CREBRF: variants seen among roughly 807,000 people sequenced by gnomAD.
CREBRF encodes CREB3 regulatory factor.
A neutral mutation model predicts 66.1 loss-of-function variants in CREBRF; 5 were observed. The ratio of observed to expected loss-of-function variants is 0.08; its 90% CI spans 0.04 to 0.16. CREBRF has a LOEUF of 0.16. CREBRF is among the 10% of genes least tolerant of loss of function. CREBRF has a pLI of 1.00. For synonymous variants in CREBRF, 229 were observed against 264.4 expected (o/e 0.87, Z 1.30); for missense variants, 531 against 744.9 (o/e 0.71, Z 3.34).
chr5:173,133,036 T>C (rs1759512432), intron 8 of CREBRF, among the ~76,000 whole-genome samples: 1 of 152,230 alleles, frequency 6.6e-6, no homozygotes, highest in African/African-American at 2.4e-5. Flanking sequence ...CTTTTGGTCT[T>C]ACTATGGAAG....
chr5:173,118,446 AT>A (rs1031436895), intron 7 of CREBRF, among the ~76,000 whole-genome samples: 13 of 148,616 alleles, frequency 8.7e-5, no homozygotes, highest in African/African-American at 2.0e-4. Context: ...CTTTTCTTGT[AT>A]TTTTTTTTTC....
At chr5:173,122,992 C>T (rs987009581) in intron 7 of CREBRF, 88 bp from the exon 8 acceptor site, 106 of 1,288,584 alleles carry the variant, frequency 8.2e-5, no homozygotes, top group Non-Finnish European at 1.1e-4. Flanking sequence ...TTAATCCAGT[C>T]CATTTCTTAA....
intron 8 of CREBRF, chr5:173,123,954 A>G (rs1181031991): frequency 1.3e-5 from 2 of 152,036 alleles, no homozygotes; most frequent in East Asian, 1.9e-4. Context: ...TTTTTCTTCA[A>G]ATGGGTTGAT....
intron 5 of CREBRF, chr5:173,109,058 C>G: frequency 2.3e-6 from 1 of 434,028 alleles, no homozygotes; most frequent in Middle Eastern, 5.7e-4. Flanking sequence ...CATTTCTAGT[C>G]CCTTCTTAAT....
At chr5:173,096,761 TA>T (rs977123026) in intron 4 of CREBRF, among the ~76,000 whole-genome samples, 9 of 151,908 alleles carry the variant, frequency 5.9e-5, no homozygotes, top group African/African-American at 1.7e-4. Flanking sequence ...TGTTAAATTT[TA>T]TTTTATCATG....
intron 5 of CREBRF, chr5:173,109,075 A>G (rs1382501632): frequency 1.4e-5 from 5 of 364,320 alleles, no homozygotes; most frequent in Non-Finnish European, 1.9e-5. Flanking sequence ...TAATCTACCT[A>G]CCCCATTCAG....
chr5:173,107,193 A>C (rs1320903739), intron 4 of CREBRF, among the ~76,000 whole-genome samples: 1 of 152,220 alleles, frequency 6.6e-6, no homozygotes, highest in African/African-American at 2.4e-5. Flanking sequence ...TTAGTTCCTC[A>C]AAGCAAACAT....
In CREBRF at chr5:173,134,399, C is replaced by A; in HGVS notation, c.*654C>A. On this transcript the variant is annotated 3_prime_UTR_variant, in exon 9 of 9. Transcript: ENST00000296953. The stretch of plus-strand genomic sequence containing the variant: ...GGTAATATTTTGTATGATGAAAACC[C>A]TAATGAGAAAAAACAAGATATATAG... 2 of 332,594 alleles carry A rather than the reference C, an allele frequency of 6.0e-6. No homozygotes were observed. Among genetic ancestry groups the A allele is most frequent in the South Asian group, 2.4e-5 (1 of 42,062 alleles). 20.6% of individuals were successfully genotyped at this position (332,594 alleles called of 1,614,324 possible). A position where few individuals can be genotyped will look rare whatever the true frequency, so the allele number is the denominator to read the frequency against.
chr5:173,091,039 C>T lies in CREBRF; in HGVS notation c.860C>T (p.Thr287Ile), dbSNP rs771317172. 5.0e-6 allele frequency: 8 copies of T among 1,614,198 alleles called. No individual in the cohort carries two copies. In the Admixed American group the frequency reaches 1.3e-4, roughly 27 times the overall value. ...ATGGAGCCTCTTCAAGGTCATGCCA[C>T]TCCCGCTTTGCCTTTTAAAGAAACC... Reference protein sequence around the residue: ...KGMEPLQGHATPALPFKETQE... With the variant: ...KGMEPLQGHAIPALPFKETQE... The change falls in exon 4 of 9, where the codon ACT becomes ATT. Residue 287 changes from threonine to isoleucine, a missense_variant. Physicochemically the swap from Thr to Ile is moderately conservative, Grantham distance 89. Coordinates refer to ENST00000296953, the MANE Select transcript of CREBRF (RefSeq NM_153607.3).
At chr5:173,092,355 A>C (rs1758369818) in intron 4 of CREBRF, 1 of 983,516 alleles carries the variant, frequency 1.0e-6, no homozygotes, top group African/African-American at 1.7e-5. Context: ...ATTTATATAC[A>C]GCGCATATAA....
intron 8 of CREBRF, among the ~76,000 whole-genome samples, chr5:173,131,707 C>T (rs1327437922): frequency 1.4e-5 from 2 of 147,056 alleles, no homozygotes; most frequent in Non-Finnish European, 1.5e-5. Context: ...CACACACACA[C>T]ACACACACAC....
At chr5:173,121,868 T>C (rs1376419341) in intron 7 of CREBRF, among the ~76,000 whole-genome samples, 2 of 152,098 alleles carry the variant, frequency 1.3e-5, no homozygotes. Context: ...CCATTTTTTT[T>C]AGTTGGAGAT....
chr5:173,059,046 A>C (rs1757176420), intron 1 of CREBRF, among the ~76,000 whole-genome samples: 3 of 151,158 alleles, frequency 2.0e-5, no homozygotes, highest in Non-Finnish European at 4.4e-5. Flanking sequence ...TGATCCACCC[A>C]CCTCAGCTTC....
chr5:173,099,530 C>A (rs1758563377), intron 4 of CREBRF, among the ~76,000 whole-genome samples: 1 of 152,134 alleles, frequency 6.6e-6, no homozygotes, highest in Non-Finnish European at 1.5e-5. Flanking sequence ...ATTCATTCAG[C>A]CACTCTATAT....
At chr5:173,122,734 G>T (rs1208752190) in intron 7 of CREBRF, among the ~76,000 whole-genome samples, 1 of 130,068 alleles carries the variant, frequency 7.7e-6, no homozygotes, top group Non-Finnish European at 1.6e-5. Context: ...ATCTCCTAAT[G>T]CTATCCCTCC....
At chr5:173,091,597 A>T (rs748992962) in intron 4 of CREBRF, 196 bp downstream of exon 4, 14 of 1,314,728 alleles carry the variant, frequency 1.1e-5, no homozygotes, top group Non-Finnish European at 1.3e-5. Context: ...TCACATAGGG[A>T]TTCATAAGCT....
At chr5:173,079,521 C>T (rs1156960547) in intron 1 of CREBRF, among the ~76,000 whole-genome samples, 1 of 151,680 alleles carries the variant, frequency 6.6e-6, no homozygotes, top group African/African-American at 2.4e-5. Flanking sequence ...ACCCTCTAGC[C>T]CAGACAATGT....
chr5:173,077,638 C>G (rs777268064), intron 1 of CREBRF, among the ~76,000 whole-genome samples: 2 of 152,174 alleles, frequency 1.3e-5, no homozygotes, highest in Admixed American at 6.6e-5. Context: ...AGTGACCCAC[C>G]TGCCTCAGCC....
At chr5:173,063,025 G>A (rs1757325543) in intron 1 of CREBRF, among the ~76,000 whole-genome samples, 1 of 152,218 alleles carries the variant, frequency 6.6e-6, no homozygotes, top group Non-Finnish European at 1.5e-5. Flanking sequence ...GGGATTACAG[G>A]TGTGAGCCAC....
Sources: gnomAD v4.1 joint callset for allele counts (sites outside exome capture counted in the v4.1 genomes callset) on GRCh38, gnomAD v4.1.1 for gene constraint, MANE v1.5 for transcripts, NCBI Gene and HGNC (gene_info 2026-07-23, HGNC 2026-07-21) for gene names.